The following ACER3 variants were observed in gnomAD, a reference collection of about 807,000 sequenced individuals.
ACER3 encodes the protein alkaline ceramidase 3, also known as alkCDase 3.
In ACER3, 16 loss-of-function variants were observed where a neutral mutation model predicts 48.9. The observed-to-expected ratio is 0.33, with a 90% CI of 0.22 to 0.50. The LOEUF (loss-of-function observed/expected upper bound fraction) is 0.50. Ranked by LOEUF, ACER3 falls within the 20% of genes least tolerant of loss-of-function variation. ACER3 has a pLI of 0.98. For missense variants in ACER3, 227 were observed against 326.0 expected, an observed-to-expected ratio of 0.70 and a Z score of 2.34; for synonymous variants, 109 against 107.8, an observed-to-expected ratio of 1.01 and a Z score of -0.07.
chr11:76,977,226 A>G (rs1214247839), intron 4 of ACER3, among the ~76,000 whole-genome samples: 1 of 152,238 alleles, frequency 6.6e-6, no homozygotes, highest in Non-Finnish European at 1.5e-5. Flanking sequence ...TCTAAGGAAC[A>G]CTGAAATATC....
chr11:76,932,926 G>T (rs1176781680), intron 2 of ACER3, among the ~76,000 whole-genome samples: 1 of 150,636 alleles, frequency 6.6e-6, no homozygotes, highest in African/African-American at 2.5e-5. Context: ...AGCAGTCTAA[G>T]ATCTGGTAGA....
Position 76,973,689 on chromosome 11 carries a change from A to C in ACER3, c.268-2600A>C, listed in dbSNP as rs76125708. Among the ~76,000 whole-genome samples the C allele has an allele frequency of 5.6e-3, 847 of 152,146 alleles. 12 individuals carry two copies. Among genetic ancestry groups the C allele is most frequent in the African/African-American group, 0.02 (813 of 41,512 alleles). On this transcript the variant is annotated intron_variant, in intron 3 of 10. Transcript: ENST00000532485. ...CACGGATGGCCTGTCCCGTCTTTTC[A>C]CTTTCTTAGTAGTGTCCTTTGATGC...
At chr11:76,998,584 T>C in intron 6 of ACER3, 179 bp from the exon 7 acceptor site, 1 of 516,022 alleles carries the variant, frequency 1.9e-6, no homozygotes, top group East Asian at 3.8e-5. Context: ...TCTTAACTTT[T>C]CCTCAGAAGT....
At chr11:77,008,362 C>G (rs1268550648) in intron 7 of ACER3, among the ~76,000 whole-genome samples, 4 of 152,196 alleles carry the variant, frequency 2.6e-5, no homozygotes, top group East Asian at 3.8e-4. Flanking sequence ...GTCTGATAGA[C>G]AGGGTACCAA....
intron 1 of ACER3, among the ~76,000 whole-genome samples, chr11:76,922,715 G>T (rs1349300571): frequency 2.6e-5 from 4 of 152,050 alleles, no homozygotes; most frequent in Non-Finnish European, 5.9e-5. Context: ...ATAAAATCTT[G>T]CCACCACCAT....
intron 7 of ACER3, 137 bp downstream of exon 7, chr11:76,998,958 A>G: frequency 1.8e-6 from 1 of 568,510 alleles, no homozygotes; most frequent in Non-Finnish European, 2.8e-6. Context: ...CCCAACATTT[A>G]TTGTTATATT....
At chr11:76,997,236 T>A (rs770353114) in intron 6 of ACER3, among the ~76,000 whole-genome samples, 2 of 152,234 alleles carry the variant, frequency 1.3e-5, no homozygotes, top group Non-Finnish European at 2.9e-5. Flanking sequence ...AGGTATAAAA[T>A]TTTAAACACC....
intron 2 of ACER3, among the ~76,000 whole-genome samples, chr11:76,954,183 G>T (rs1035410764): frequency 2.0e-5 from 3 of 152,120 alleles, no homozygotes; most frequent in Non-Finnish European, 4.4e-5. Context: ...CCGACCTCAG[G>T]TGATCCACCC....
chr11:76,935,877 A>G (rs1199829746), intron 2 of ACER3, among the ~76,000 whole-genome samples: 1 of 152,220 alleles, frequency 6.6e-6, no homozygotes, highest in Non-Finnish European at 1.5e-5. Context: ...TGACTACTAT[A>G]TTGGGCAGTG....
intron 1 of ACER3, among the ~76,000 whole-genome samples, chr11:76,880,329 C>T (rs1945491031): frequency 6.6e-6 from 1 of 152,160 alleles, no homozygotes; most frequent in Non-Finnish European, 1.5e-5. Flanking sequence ...CCTCTGTGCT[C>T]ACAACACAAT....
chr11:76,898,361 A>T (rs1038109016), intron 1 of ACER3, among the ~76,000 whole-genome samples: 5 of 152,056 alleles, frequency 3.3e-5, no homozygotes, highest in Non-Finnish European at 5.9e-5. Flanking sequence ...CTGCTACTTT[A>T]TAGAGGAAGG....
chr11:76,866,445 G>C (rs1945092234), intron 1 of ACER3, among the ~76,000 whole-genome samples: 1 of 152,176 alleles, frequency 6.6e-6, no homozygotes, highest in African/African-American at 2.4e-5. Flanking sequence ...GAAGTGACCT[G>C]GTTGGTCACT....
rs181101158 is a variant in ACER3, at chr11:77,002,861, C to T, written c.497+4040C>T. 2.3e-3 allele frequency among the ~76,000 whole-genome samples: 349 copies of T among 152,248 alleles called. 1 individual carries two copies. Among genetic ancestry groups the T allele is most frequent in the South Asian group, 0.011 (51 of 4,830 alleles). On this transcript the variant is annotated intron_variant, in intron 7 of 10. Transcript: ENST00000532485. Reference sequence around the variant, plus strand: ...GCCAGTCACAAGAGGACAAATACTACGAGTCCATTTATATGAGGTTCCTAG... The same window carrying T: ...GCCAGTCACAAGAGGACAAATACTATGAGTCCATTTATATGAGGTTCCTAG...
At chr11:76,964,122 G>A (rs940794051) in intron 3 of ACER3, among the ~76,000 whole-genome samples, 4 of 151,460 alleles carry the variant, frequency 2.6e-5, no homozygotes, top group African/African-American at 9.8e-5. Context: ...CCCTAATACT[G>A]CACTTTCCCA....
chr11:76,886,865 A>G (rs1945686587), intron 1 of ACER3, among the ~76,000 whole-genome samples: 1 of 152,010 alleles, frequency 6.6e-6, no homozygotes, highest in African/African-American at 2.4e-5. Context: ...TTTTGTAGAG[A>G]CGGGGTTTTG....
At position 77,023,306 on chromosome 11, in the gene ACER3, T is replaced by C. The variant is rs1555024901; in HGVS notation, c.*2979T>C. 2.5e-6 allele frequency: 1 copy of C among 395,688 alleles called. No individual in the cohort carries two copies. The highest frequency in any genetic ancestry group is 3.6e-5 in the East Asian group (1 of 27,934). The allele number at this position is 395,688 out of a possible 1,614,324, so 24.5% of individuals were successfully genotyped here. On this transcript the variant is annotated 3_prime_UTR_variant, in exon 11 of 11. Transcript: ENST00000532485. ...TTGGACTTCCCTTACCCTAAGAGGG[T>C]TTTTCTTATAATAAGGAGAAGAGGT...
At chr11:76,950,741 C>T (rs1169162236) in intron 2 of ACER3, among the ~76,000 whole-genome samples, 7 of 152,150 alleles carry the variant, frequency 4.6e-5, no homozygotes, top group Non-Finnish European at 7.4e-5. Flanking sequence ...TGTAGGATTA[C>T]AGGCATGAGC....
intron 5 of ACER3, among the ~76,000 whole-genome samples, chr11:76,988,410 A>G (rs567075993): frequency 6.6e-6 from 1 of 152,324 alleles, no homozygotes; most frequent in East Asian, 1.9e-4. Context: ...ACAGTTCCGC[A>G]TGGCTGGGGA....
chr11:77,008,501 T>C (rs1555021492), intron 7 of ACER3, among the ~76,000 whole-genome samples: 1 of 152,220 alleles, frequency 6.6e-6, no homozygotes, highest in East Asian at 1.9e-4. Context: ...GTTGATCATT[T>C]CATTTAGCAC....
Sources: gnomAD v4.1 joint callset for allele counts (sites outside exome capture counted in the v4.1 genomes callset) on GRCh38, gnomAD v4.1.1 for gene constraint, MANE v1.5 for transcripts, NCBI Gene and HGNC (gene_info 2026-07-23, HGNC 2026-07-21) for gene names.